LDHC: variants seen among roughly 807,000 people sequenced by gnomAD.
LDHC encodes lactate dehydrogenase C.
In LDHC, 20 loss-of-function variants were observed where a neutral mutation model predicts 30.2. The ratio of observed to expected loss-of-function variants is 0.66; its 90% confidence interval spans 0.47 to 0.96. The LOEUF (loss-of-function observed/expected upper bound fraction) is 0.96. LDHC is among the 40% of genes least tolerant of loss of function. The probability of loss-of-function intolerance (pLI) is 0.00; values close to 1 mark genes in which losing one functional copy is unlikely to be tolerated. For synonymous variants in LDHC, 139 were observed against 132.7 expected (o/e 1.05, Z -0.32); for missense variants, 362 against 394.9 (o/e 0.92, Z 0.71).
In LDHC at chr11:18,416,308, C is replaced by G. The variant is rs1867022317; in HGVS notation, c.244+1007C>G. Among the ~76,000 whole-genome samples the G allele has an allele frequency of 2.0e-5, 3 of 152,250 alleles. No homozygotes were observed. In the South Asian group the frequency reaches 6.2e-4, roughly 32 times the overall value. ...CAGGTTTCAAGGCATAGCATGAGGCCATAGAACATAAGAAATTTAGAACTT... is the reference window on the plus strand; with the variant it reads ...CAGGTTTCAAGGCATAGCATGAGGCGATAGAACATAAGAAATTTAGAACTT... On this transcript the variant is annotated intron_variant, in intron 3 of 7. Coordinates refer to ENST00000541669, the MANE Select transcript of LDHC (RefSeq NM_017448.5).
chr11:18,423,221 G>T (rs533926727), intron 3 of LDHC, among the ~76,000 whole-genome samples: 2 of 152,126 alleles, frequency 1.3e-5, no homozygotes, highest in Non-Finnish European at 2.9e-5. Context: ...AGCTACTCAA[G>T]AGTAAAATAA....
intron 3 of LDHC, among the ~76,000 whole-genome samples, chr11:18,420,641 TAAAA>T (rs11321502): frequency 1.5e-4 from 11 of 72,352 alleles, no homozygotes; most frequent in Non-Finnish European, 1.2e-4. Context: ...TCTTGTCTCT[TAAAA>T]AAAAAAAAAA....
chr11:18,415,549 G>T (rs552834568), intron 3 of LDHC, among the ~76,000 whole-genome samples: 4 of 151,722 alleles, frequency 2.6e-5, no homozygotes, highest in African/African-American at 9.7e-5. Context: ...CTCCTGCCTC[G>T]GTCTCCTGTG....
rs1333206693 is a variant in LDHC, at chr11:18,429,909, A to G, written c.417A>G (p.Pro139=). Residue 139 remains proline (P), a splice_region_variant and synonymous_variant, in exon 4 of 8, where the codon CCA becomes CCG. Coordinates refer to ENST00000541669, the MANE Select transcript of LDHC (RefSeq NM_017448.5). ...GTAAAATTCTTGTTGTTTCAAATCC[A>G]GGTGAGTCTTCTCTCTTCCATTCTA... is the stretch of plus-strand genomic sequence containing the variant. The part of the protein sequence containing the change: ...PDCKILVVSN[P]VDILTYIVWK... 5 of 1,588,230 alleles carry G rather than the reference A, an allele frequency of 3.1e-6. No homozygotes were observed. Among genetic ancestry groups the G allele is most frequent in the Middle Eastern group, 1.7e-4 (1 of 6,010 alleles).
At chr11:18,432,236 G>A (rs996946155) in intron 4 of LDHC, among the ~76,000 whole-genome samples, 1 of 152,154 alleles carries the variant, frequency 6.6e-6, no homozygotes, top group Non-Finnish European at 1.5e-5. Flanking sequence ...GCTCATTCAG[G>A]AGCAGGTTAT....
intron 3 of LDHC, among the ~76,000 whole-genome samples, chr11:18,421,866 G>A (rs1356903576): frequency 2.6e-5 from 4 of 152,112 alleles, no homozygotes; most frequent in Admixed American, 6.5e-5. Flanking sequence ...GCTCATGCCT[G>A]TAGTCTCAGC....
At chr11:18,442,650 TTC>T (rs1228517941) in intron 6 of LDHC, among the ~76,000 whole-genome samples, 6 of 147,658 alleles carry the variant, frequency 4.1e-5, no homozygotes, top group East Asian at 2.0e-4. Context: ...TTTTATCTCT[TTC>T]TCTCTCTCTT....
chr11:18,414,662 T>C (rs1379473888), intron 2 of LDHC, among the ~76,000 whole-genome samples: 1 of 152,050 alleles, frequency 6.6e-6, no homozygotes, highest in African/African-American at 2.4e-5. Context: ...ACCCCGTCTG[T>C]ACTAAAAATA....
chr11:18,429,810 C>T lies in LDHC; in HGVS notation c.318C>T (p.Arg106=), dbSNP rs747543580. The change falls in exon 4 of 8, where the codon CGC becomes CGT. Residue 106 remains arginine (R), a synonymous_variant. Transcript: ENST00000541669. ...AGARQQEGET[R]LALVQRNVAI... ...CAAGGCAGCAGGAGGGAGAAACTCG[C>T]CTTGCCCTGGTCCAACGTAATGTGG... 1.2e-6 allele frequency: 2 copies of T among 1,612,464 alleles called. No individual in the cohort carries two copies.
intron 4 of LDHC, among the ~76,000 whole-genome samples, chr11:18,431,599 G>A (rs906882891): frequency 2.0e-5 from 3 of 152,104 alleles, no homozygotes; most frequent in African/African-American, 7.2e-5. Context: ...AGGCTGGAGT[G>A]CAGTGGCATG....
intron 4 of LDHC, among the ~76,000 whole-genome samples, chr11:18,434,242 T>C (rs914651006): frequency 2.0e-5 from 3 of 151,826 alleles, no homozygotes; most frequent in Non-Finnish European, 2.9e-5. Context: ...TTTCCTTGCA[T>C]TGGGCTTCGC....
intron 4 of LDHC, among the ~76,000 whole-genome samples, chr11:18,432,949 T>C (rs1426138029): frequency 6.6e-6 from 1 of 152,246 alleles, no homozygotes; most frequent in Admixed American, 6.5e-5. Flanking sequence ...GCCATTTACA[T>C]TCAGTGTTAG....
Position 18,438,616 on chromosome 11 carries a change from G to A in LDHC, c.681G>A (p.Trp227Ter), listed in dbSNP as rs765977484. Residue 227 changes from tryptophan to a stop codon, truncating the protein, a stop_gained, in exon 6 of 8, where the codon TGG becomes TGA. Coordinates refer to ENST00000541669, the MANE Select transcript of LDHC (RefSeq NM_017448.5). LOFTEE classifies it high-confidence loss of function. Reference protein sequence around the residue: ...KLGTDSDKEHWKNIHKQVIQS... With the variant: ...KLGTDSDKEH ...GAACGGATTCAGATAAGGAACACTGGAAAAATATCCATAAACAAGTTATTC... is the reference window on the plus strand; with the variant it reads ...GAACGGATTCAGATAAGGAACACTGAAAAAATATCCATAAACAAGTTATTC... 1.2e-6 allele frequency: 2 copies of A among 1,606,096 alleles called. No individual in the cohort carries two copies. Among genetic ancestry groups the A allele is most frequent in the Non-Finnish European group, 1.7e-6 (2 of 1,172,972 alleles).
rs1411046576 is a variant in LDHC at position 18,451,002 on chromosome 11, C to T, written c.874C>T (p.Pro292Ser). 4.4e-6 allele frequency: 7 copies of T among 1,594,214 alleles called. No individual in the cohort carries two copies. The highest frequency in any genetic ancestry group is 6.0e-6 in the Non-Finnish European group (7 of 1,173,334). Residue 292 changes from proline to serine, a missense_variant, in exon 8 of 8, where the codon CCT becomes TCT. Coordinates refer to ENST00000541669, the MANE Select transcript of LDHC (RefSeq NM_017448.5). The stretch of plus-strand genomic sequence containing the variant: ...AAAAGAAGAACTCTTTCTCAGTATC[C>T]CTTGTGTCTTGGGGCGGAATGGTGT... Reference protein sequence around the residue: ...GIKEELFLSIPCVLGRNGVSD... With the variant: ...GIKEELFLSISCVLGRNGVSD...
chr11:18,422,754 G>A (rs557087540), intron 3 of LDHC, among the ~76,000 whole-genome samples: 83 of 151,848 alleles, frequency 5.5e-4, no homozygotes, highest in Non-Finnish European at 8.4e-4. Flanking sequence ...AAGCCGAGGC[G>A]GGAGTATCGC....
At chr11:18,419,520 A>G (rs1867081356) in intron 3 of LDHC, among the ~76,000 whole-genome samples, 1 of 152,288 alleles carries the variant, frequency 6.6e-6, no homozygotes, top group African/African-American at 2.4e-5. Context: ...GCTAGAGGAA[A>G]CTCACTTTAT....
At chr11:18,441,164 GTA>G (rs1848458487) in intron 6 of LDHC, among the ~76,000 whole-genome samples, 1 of 151,734 alleles carries the variant, frequency 6.6e-6, no homozygotes, top group South Asian at 2.1e-4. Context: ...AATATTAAAA[GTA>G]TATAGCCACG....
At position 18,438,558 on chromosome 11, in the gene LDHC, G is replaced by C. The variant is rs1848399036; in HGVS notation, c.623G>C (p.Gly208Ala). ...VPLWSGVNVA[G>A]VALKTLDPKL... ...TTATGGAGTGGGGTGAATGTTGCTG[G>C]TGTTGCTCTGAAGACTCTGGACCCT... is the stretch of plus-strand genomic sequence containing the variant. Residue 208 changes from glycine to alanine, a missense_variant, in exon 6 of 8, where the codon GGT becomes GCT. Physicochemically the swap from Gly to Ala is moderately conservative, Grantham distance 60. Coordinates refer to ENST00000541669, the MANE Select transcript of LDHC (RefSeq NM_017448.5). The C allele has an allele frequency of 1.2e-6, 2 of 1,612,464 alleles. No homozygotes were observed. The highest frequency in any genetic ancestry group is 1.3e-5 in the African/African-American group (1 of 74,878).
rs1866921064 is a variant in LDHC at position 18,412,941 on chromosome 11, A to G, written c.126+98A>G. ...AGGGTTGCAAGGTTAATCCCTTGAAAGCAATTATGTATCCTTTGACCTTTC... is the reference window on the plus strand; with the variant it reads ...AGGGTTGCAAGGTTAATCCCTTGAAGGCAATTATGTATCCTTTGACCTTTC... On this transcript the variant is annotated intron_variant, in intron 2 of 7. Coordinates refer to ENST00000541669, the MANE Select transcript of LDHC (RefSeq NM_017448.5). 4 of 1,067,078 alleles carry G rather than the reference A, an allele frequency of 3.7e-6. No individual in the cohort carries two copies. In the South Asian group the frequency reaches 7.4e-5, roughly 20 times the overall value. The allele number at this position is 1,067,078 out of a possible 1,614,324, so 66.1% of individuals were successfully genotyped here. A position where few individuals can be genotyped will look rare whatever the true frequency, so the allele number is the denominator to read the frequency against.
Sources: gnomAD v4.1 joint callset for allele counts (sites outside exome capture counted in the v4.1 genomes callset) on GRCh38, gnomAD v4.1.1 for gene constraint, MANE v1.5 for transcripts, NCBI Gene and HGNC (gene_info 2026-07-23, HGNC 2026-07-21) for gene names.